MMRN1: variants seen among roughly 807,000 people sequenced by gnomAD.
MMRN1 encodes the protein multimerin 1.
MMRN1 carries 94 observed loss-of-function variants against 100.7 expected under a neutral mutation model. That is an observed-to-expected ratio of 0.93 (90% CI 0.79 to 1.11). The LOEUF (loss-of-function observed/expected upper bound fraction) is 1.11, where lower values mean the gene tolerates loss of function less well. Among genes scored for constraint, MMRN1 ranks in the 50% least tolerant of loss-of-function variants. MMRN1 has a pLI of 0.00. For missense variants in MMRN1, 1,606 were observed against 1,439.1 expected (o/e 1.12, Z -1.88); for synonymous variants, 575 against 505.0 (o/e 1.14, Z -1.86).
At chr4:89,933,448 C>A (rs972763771) in intron 5 of MMRN1, among the ~76,000 whole-genome samples, 1 of 152,132 alleles carries the variant, frequency 6.6e-6, no homozygotes, top group Non-Finnish European at 1.5e-5. Flanking sequence ...GATAACCATA[C>A]CCCACTCTGT....
chr4:89,942,921 A>C (rs1221075401), intron 6 of MMRN1, among the ~76,000 whole-genome samples: 1 of 152,148 alleles, frequency 6.6e-6, no homozygotes, highest in African/African-American at 2.4e-5. Flanking sequence ...ATTCTTTTCC[A>C]GACTTTATAA....
chr4:89,949,394 T>C (rs760716081), intron 6 of MMRN1, among the ~76,000 whole-genome samples: 7 of 152,138 alleles, frequency 4.6e-5, no homozygotes, highest in Non-Finnish European at 1.0e-4. Context: ...AATTGAAACT[T>C]CTCCTGTGAG....
At chr4:89,947,148 G>C (rs1237012445) in intron 6 of MMRN1, among the ~76,000 whole-genome samples, 1 of 152,164 alleles carries the variant, frequency 6.6e-6, no homozygotes, top group Non-Finnish European at 1.5e-5. Flanking sequence ...CTGGCATGGT[G>C]GTGCACACCT....
intron 6 of MMRN1, among the ~76,000 whole-genome samples, chr4:89,941,392 G>A (rs1247058885): frequency 6.6e-6 from 1 of 152,138 alleles, no homozygotes; most frequent in African/African-American, 2.4e-5. Flanking sequence ...GATTTTTTAT[G>A]TTTATCCCTC....
In MMRN1 at chr4:89,940,924, G is replaced by A. The variant is rs959056552; in HGVS notation, c.3118+4126G>A. On this transcript the variant is annotated intron_variant, in intron 6 of 7. Coordinates refer to ENST00000264790, the MANE Select transcript of MMRN1 (RefSeq NM_007351.3). Reference sequence around the variant, plus strand: ...GATAATTCACTGTGTTTTAAACTCCGCATATGCTTATAACTTAGCTTATGG... The same window carrying A: ...GATAATTCACTGTGTTTTAAACTCCACATATGCTTATAACTTAGCTTATGG... Among the ~76,000 whole-genome samples, 40 of 151,882 alleles carry A rather than the reference G, an allele frequency of 2.6e-4. No homozygotes were observed. The East Asian group carries it at 2.9e-3, about 11-fold the overall frequency.
In MMRN1 at chr4:89,954,589, GT is replaced by G. The variant is rs1723287680; in HGVS notation, c.*1172del. On this transcript the variant is annotated 3_prime_UTR_variant, in exon 8 of 8. Transcript: ENST00000264790. ...GTTTCTGAAAAACAGATTTTCATAAGTAATAATAAAAATAATAATAAAAAAG... is the reference window on the plus strand; with the variant it reads ...GTTTCTGAAAAACAGATTTTCATAAGAATAATAAAAATAATAATAAAAAAG... 1 of 152,010 alleles carries G rather than the reference GT, an allele frequency of 6.6e-6. No individual in the cohort carries two copies. The highest frequency in any genetic ancestry group is 1.5e-5 in the Non-Finnish European group (1 of 67,996). The allele number at this position is 152,010 out of a possible 1,614,324, so 9.4% of individuals were successfully genotyped here.
rs1722577477 is a variant in MMRN1 at position 89,935,338 on chromosome 4, T to G, written c.1658T>G (p.Ile553Arg). The G allele has an allele frequency of 2.5e-6, 4 of 1,613,202 alleles. No homozygotes were observed. The highest frequency in any genetic ancestry group is 2.5e-6 in the Non-Finnish European group (3 of 1,179,708). ...TEYMSTLHEN[I>R]KKQSLMMLQM... The stretch of plus-strand genomic sequence containing the variant: ...TACATGTCTACTTTACATGAAAATA[T>G]AAAGAAGCAGAGTTTGATGATGCTG... Residue 553 changes from isoleucine to arginine, a missense_variant, in exon 6 of 8, where the codon ATA becomes AGA. Transcript: ENST00000264790.
Position 89,935,715 on chromosome 4 carries a change from G to A in MMRN1, c.2035G>A (p.Glu679Lys). Residue 679 changes from glutamate to lysine, a missense_variant, in exon 6 of 8, where the codon GAA becomes AAA. Physicochemically the swap from Glu to Lys is moderately conservative, Grantham distance 56. Coordinates refer to ENST00000264790, the MANE Select transcript of MMRN1 (RefSeq NM_007351.3). ...AGCAATAGTGATAAGGAAAAAGATAGAAAATCTGACTAGTGCTGTCAATAG... is the reference window on the plus strand; with the variant it reads ...AGCAATAGTGATAAGGAAAAAGATAAAAAATCTGACTAGTGCTGTCAATAG... ...KEAIVIRKKI[E>K]NLTSAVNSLN... 1 of 1,611,768 alleles carries A rather than the reference G, an allele frequency of 6.2e-7. No individual in the cohort carries two copies. The highest frequency in any genetic ancestry group is 8.5e-7 in the Non-Finnish European group (1 of 1,179,364).
intron 5 of MMRN1, among the ~76,000 whole-genome samples, chr4:89,931,438 T>C (rs1288203704): frequency 6.6e-6 from 1 of 152,208 alleles, no homozygotes; most frequent in Non-Finnish European, 1.5e-5. Flanking sequence ...CTATAATTGA[T>C]GGCAATATCC....
intron 4 of MMRN1, among the ~76,000 whole-genome samples, chr4:89,926,708 C>T (rs6812172): frequency 0.092 from 14,037 of 152,046 alleles, 849 homozygotes; most frequent in East Asian, 0.27. Flanking sequence ...TTTGCCTAGA[C>T]CAAATGTCCT....
intron 3 of MMRN1, among the ~76,000 whole-genome samples, chr4:89,921,016 G>T (rs1176740383): frequency 6.6e-6 from 1 of 152,034 alleles, no homozygotes; most frequent in Non-Finnish European, 1.5e-5. Context: ...AAAAGTTAAT[G>T]ATAGAAAAGG....
At chr4:89,893,258 C>T (rs1223050499), upstream of MMRN1, among the ~76,000 whole-genome samples, 8 of 152,020 alleles carry the variant, frequency 5.3e-5, no homozygotes, top group Non-Finnish European at 7.4e-5. Context: ...ATGCTTTTTA[C>T]TCCATATCAG....
At position 89,894,882 on chromosome 4, in the gene MMRN1, A is replaced by C. The variant is rs955688251; in HGVS notation, c.-90A>C. On this transcript the variant is annotated 5_prime_UTR_variant, in exon 1 of 8. Coordinates refer to ENST00000264790, the MANE Select transcript of MMRN1 (RefSeq NM_007351.3). Reference sequence around the variant, plus strand: ...TCTCAAACTGGCAAAACTCAGTCTTAGCAGATTCAGTGTGGAAGCAGCTAT... The same window carrying C: ...TCTCAAACTGGCAAAACTCAGTCTTCGCAGATTCAGTGTGGAAGCAGCTAT... The C allele has an allele frequency of 1.3e-6, 2 of 1,516,408 alleles. No individual in the cohort carries two copies. The highest frequency in any genetic ancestry group is 1.4e-5 in the African/African-American group (1 of 71,978). The allele number at this position is 1,516,408 out of a possible 1,614,324, so 93.9% of individuals were successfully genotyped here.
At chr4:89,888,083 TA>T (rs1217626808) in intron 1 of MMRN1, among the ~76,000 whole-genome samples, 3 of 150,744 alleles carry the variant, frequency 2.0e-5, no homozygotes, top group Admixed American at 2.0e-4. Context: ...CTACATTTTT[TA>T]ATTGATAAGA....
At chr4:89,920,161 T>C (rs1004467036) in intron 3 of MMRN1, among the ~76,000 whole-genome samples, 2 of 152,186 alleles carry the variant, frequency 1.3e-5, no homozygotes, top group African/African-American at 4.8e-5. Flanking sequence ...TTGTCAGTTA[T>C]TGGACTTCAG....
chr4:89,942,301 T>A (rs1722856532), intron 6 of MMRN1, among the ~76,000 whole-genome samples: 1 of 152,196 alleles, frequency 6.6e-6, no homozygotes, highest in Non-Finnish European at 1.5e-5. Context: ...AATAAACATA[T>A]ATTTTTGTAC....
intron 1 of MMRN1, among the ~76,000 whole-genome samples, chr4:89,883,217 C>G (rs926167209): frequency 2.0e-5 from 3 of 151,964 alleles, no homozygotes; most frequent in African/African-American, 7.2e-5. Flanking sequence ...TTGAACAAGT[C>G]TTTTTGTAGA....
Position 89,894,873 on chromosome 4 carries a change from C to T in MMRN1, c.-99C>T. Reference sequence around the variant, plus strand: ...CTCTACACATCTCAAACTGGCAAAACTCAGTCTTAGCAGATTCAGTGTGGA... The same window carrying T: ...CTCTACACATCTCAAACTGGCAAAATTCAGTCTTAGCAGATTCAGTGTGGA... On this transcript the variant is annotated 5_prime_UTR_variant, in exon 1 of 8. Coordinates refer to ENST00000264790, the MANE Select transcript of MMRN1 (RefSeq NM_007351.3). 1 of 1,498,270 alleles carries T rather than the reference C, an allele frequency of 6.7e-7. No homozygotes were observed. Among genetic ancestry groups the T allele is most frequent in the Non-Finnish European group, 8.9e-7 (1 of 1,127,130 alleles). The allele number at this position is 1,498,270 out of a possible 1,614,324, so 92.8% of individuals were successfully genotyped here. A position where few individuals can be genotyped will look rare whatever the true frequency, so the allele number is the denominator to read the frequency against.
At chr4:89,884,703 C>A (rs1045634624) in intron 1 of MMRN1, among the ~76,000 whole-genome samples, 6 of 152,044 alleles carry the variant, frequency 3.9e-5, no homozygotes, top group Non-Finnish European at 7.4e-5. Flanking sequence ...CTCAAGTGAT[C>A]CTCCAGCCTC....
Sources: allele counts gnomAD v4.1 joint callset (sites outside exome capture counted in the v4.1 genomes callset), GRCh38; gene constraint gnomAD v4.1.1; transcripts MANE v1.5; gene names NCBI Gene and HGNC (gene_info 2026-07-23, HGNC 2026-07-21).